BICRAL: variants seen among roughly 807,000 people sequenced by gnomAD.
BICRAL encodes the protein BRD4-interacting chromatin-remodeling complex-associated protein-like.
A neutral mutation model predicts 91.8 loss-of-function variants in BICRAL; 8 were observed. The observed-to-expected ratio is 0.09, with a 90% CI of 0.05 to 0.16. The LOEUF is 0.16. Ranked by LOEUF, BICRAL falls within the 10% of genes least tolerant of loss-of-function variation. The pLI, the probability that BICRAL is intolerant of heterozygous loss-of-function variation, is 1.00. For missense variants in BICRAL, 1,038 were observed against 1,310.9 expected (o/e 0.79, Z 3.21); for synonymous variants, 445 against 491.1 (o/e 0.91, Z 1.24).
At chr6:42,826,280 G>A (rs948656577) in intron 5 of BICRAL, among the ~76,000 whole-genome samples, 3 of 135,856 alleles carry the variant, frequency 2.2e-5, no homozygotes, top group African/African-American at 5.1e-5. Flanking sequence ...TGTTGCCCAG[G>A]CTGAAGTGCA....
In BICRAL at chr6:42,862,625, G is replaced by A. The variant is rs144795493; in HGVS notation, c.2452+13G>A. ...CTTGTAGACCCTGGTAAGAAACATCGCAGTGAAAGTAGTGGATAGCTCCTG... is the reference window on the plus strand; with the variant it reads ...CTTGTAGACCCTGGTAAGAAACATCACAGTGAAAGTAGTGGATAGCTCCTG... On this transcript the variant is annotated intron_variant, in intron 12 of 12. Transcript: ENST00000314073. The A allele has an allele frequency of 1.7e-4, 254 of 1,477,714 alleles. No individual in the cohort carries two copies. In the African/African-American group the frequency reaches 2.5e-3, roughly 15 times the overall value. 91.5% of individuals were successfully genotyped at this position (1,477,714 alleles called of 1,614,324 possible).
intron 1 of BICRAL, among the ~76,000 whole-genome samples, chr6:42,759,144 G>T (rs746422763): frequency 2.0e-5 from 3 of 152,188 alleles, no homozygotes; most frequent in Non-Finnish European, 4.4e-5. Context: ...AGGGTTATAA[G>T]TCACTGTGTC....
At chr6:42,759,198 A>G (rs1195560750) in intron 1 of BICRAL, among the ~76,000 whole-genome samples, 3 of 152,230 alleles carry the variant, frequency 2.0e-5, no homozygotes, top group Middle Eastern at 6.8e-3. Context: ...ATCAGAGATG[A>G]AGTTAGAGAG....
At chr6:42,843,210 G>A (rs553860817) in intron 6 of BICRAL, among the ~76,000 whole-genome samples, 9 of 152,266 alleles carry the variant, frequency 5.9e-5, no homozygotes, top group African/African-American at 2.2e-4. Flanking sequence ...CTCCGAAAAG[G>A]AGCCTCTAAC....
chr6:42,838,986 G>A (rs1764713859), intron 6 of BICRAL, among the ~76,000 whole-genome samples: 1 of 151,204 alleles, frequency 6.6e-6, no homozygotes, highest in Admixed American at 6.6e-5. Flanking sequence ...GGATTACCTA[G>A]GTCAGGAGTT....
Position 42,782,426 on chromosome 6 carries a change from T to C in BICRAL, c.-102+325T>C, listed in dbSNP as rs1450691453. Among the ~76,000 whole-genome samples, 54 of 146,090 alleles carry C rather than the reference T, an allele frequency of 3.7e-4. 1 individual carries two copies. On this transcript the variant is annotated intron_variant, in intron 1 of 12. Coordinates refer to ENST00000314073, the MANE Select transcript of BICRAL (RefSeq NM_001393499.1). ...ACGGAGAAAAGGGGAATCGAGTGTT[T>C]ATGCCTTTCCCAGCGCTGCCGGGGC...
intron 11 of BICRAL, among the ~76,000 whole-genome samples, chr6:42,862,030 A>T (rs900539279): frequency 6.6e-6 from 1 of 151,378 alleles, no homozygotes; most frequent in Admixed American, 6.6e-5. Flanking sequence ...AAATAATGCC[A>T]CCAAAGTCTG....
intron 6 of BICRAL, among the ~76,000 whole-genome samples, chr6:42,850,587 A>T (rs1765148541): frequency 6.6e-6 from 1 of 151,660 alleles, no homozygotes. Context: ...GGCACAGAGG[A>T]TTAAAAACTG....
chr6:42,835,947 A>G (rs1329879601), intron 6 of BICRAL, among the ~76,000 whole-genome samples: 2 of 152,142 alleles, frequency 1.3e-5, no homozygotes, highest in African/African-American at 4.8e-5. Flanking sequence ...AAAGAAACAT[A>G]AAGAAACAAA....
At chr6:42,782,947 TCTC>T (rs1161511372) in intron 1 of BICRAL, among the ~76,000 whole-genome samples, 1 of 144,720 alleles carries the variant, frequency 6.9e-6, no homozygotes, top group Admixed American at 6.8e-5. Flanking sequence ...TTTTCTTTCT[TCTC>T]GGCAAAATGG....
intron 1 of BICRAL, among the ~76,000 whole-genome samples, chr6:42,787,982 C>T (rs1461216441): frequency 6.6e-6 from 1 of 151,384 alleles, no homozygotes; most frequent in East Asian, 1.9e-4. Context: ...ACAGACTCAA[C>T]CTACTGGGCT....
At position 42,864,829 on chromosome 6, in the gene BICRAL, C is replaced by A; in HGVS notation, c.2623C>A (p.His875Asn). 6.2e-7 allele frequency: 1 copy of A among 1,614,210 alleles called. No homozygotes were observed. The highest frequency in any genetic ancestry group is 8.5e-7 in the Non-Finnish European group (1 of 1,180,032). Residue 875 changes from histidine (H) to asparagine (N), a missense_variant, in exon 13 of 13, where the codon CAT (histidine) becomes AAT (asparagine). His to Asn is a moderately conservative substitution (Grantham distance 68). Coordinates refer to ENST00000314073, the MANE Select transcript of BICRAL (RefSeq NM_001393499.1). ...AACCGGTGTGACGGAACCCATGAAT[C>A]ATGACCAGTTTCATCTAGTGCCTAA... is the stretch of plus-strand genomic sequence containing the variant. ...AKTGVTEPMN[H>N]DQFHLVPNHI...
In BICRAL at chr6:42,828,675, T is replaced by A. The variant is rs2113956609; in HGVS notation, c.342T>A (p.Asn114Lys). ...TTCAGAAATCCTTGCAAGAGGCCAA[T>A]ATCACTGAACAGACATTGGCAGAAG... is the stretch of plus-strand genomic sequence containing the variant. The part of the protein sequence containing the change: ...DILQKSLQEA[N>K]ITEQTLAEEA... The change falls in exon 6 of 13, where the codon AAT becomes AAA. Residue 114 changes from asparagine (N) to lysine (K), a missense_variant. Asn to Lys is a moderately conservative substitution (Grantham distance 94, BLOSUM62 0). This residue lies in a region of BICRAL where 5 missense variants were observed against 24.0 expected (regional missense o/e 0.21). Transcript: ENST00000314073. 1 of 1,614,142 alleles carries A rather than the reference T, an allele frequency of 6.2e-7. No homozygotes were observed. The highest frequency in any genetic ancestry group is 1.7e-5 in the Admixed American group (1 of 60,004).
At chr6:42,801,266 A>AAG (rs386406868) in intron 1 of BICRAL, among the ~76,000 whole-genome samples, 64 of 151,676 alleles carry the variant, frequency 4.2e-4, no homozygotes, top group South Asian at 1.0e-3. Flanking sequence ...AAAAAAAAAA[A>AAG]AGAGAGCGAG....
intron 7 of BICRAL, chr6:42,852,426 C>G: frequency 1.6e-6 from 1 of 634,274 alleles, no homozygotes; most frequent in Non-Finnish European, 2.9e-6. Context: ...CTTTGGGAGG[C>G]CAAGGAGAGT....
Position 42,855,803 on chromosome 6 carries a change from C to A in BICRAL, c.2047-53C>A, listed in dbSNP as rs1405797980. On this transcript the variant is annotated intron_variant, in intron 8 of 12. Transcript: ENST00000314073. Reference sequence around the variant, plus strand: ...GAACTATAGTGACCTTTATGTATAACTGTATTCTTTTTTCTATAAAAGGGA... The same window carrying A: ...GAACTATAGTGACCTTTATGTATAAATGTATTCTTTTTTCTATAAAAGGGA... 8 of 1,384,026 alleles carry A rather than the reference C, an allele frequency of 5.8e-6. No individual in the cohort carries two copies. In the East Asian group the frequency reaches 1.4e-4, roughly 24 times the overall value. The allele number at this position is 1,384,026 out of a possible 1,614,324, so 85.7% of individuals were successfully genotyped here. A position where few individuals can be genotyped will look rare whatever the true frequency, so the allele number is the denominator to read the frequency against.
At chr6:42,845,195 G>GTTTTTTTTTTTT (rs748804344) in intron 6 of BICRAL, among the ~76,000 whole-genome samples, 2 of 25,612 alleles carry the variant, frequency 7.8e-5, no homozygotes, top group Non-Finnish European at 1.7e-4. Context: ...TTTTTTGGGT[G>GTTTTTTTTTTTT]TTTTTTTTTT....
intron 1 of BICRAL, among the ~76,000 whole-genome samples, chr6:42,802,437 G>T (rs1218869011): frequency 1.8e-4 from 20 of 110,346 alleles, no homozygotes; most frequent in African/African-American, 3.9e-4. Flanking sequence ...TTTTGTTGTT[G>T]TTGTTGTTGT....
chr6:42,852,357 G>C, intron 7 of BICRAL, 160 bp downstream of exon 7: 1 of 703,698 alleles, frequency 1.4e-6, no homozygotes, highest in South Asian at 1.5e-5. Flanking sequence ...ATACTGTGTT[G>C]CATCAACTCT....
Sources: allele counts gnomAD v4.1 joint callset (sites outside exome capture counted in the v4.1 genomes callset), GRCh38; gene constraint gnomAD v4.1.1; regional missense constraint gnomAD v4.1.1; transcripts MANE v1.5; gene names NCBI Gene and HGNC (gene_info 2026-07-23, HGNC 2026-07-21).